The following GRM4 variants were observed in gnomAD, a reference collection of about 807,000 sequenced individuals.
The protein encoded by GRM4 is glutamate metabotropic receptor 4, also known as metabotropic glutamate receptor 4.
In GRM4, 28 loss-of-function variants were observed where a neutral mutation model predicts 81.7. The ratio of observed to expected loss-of-function variants is 0.34; its 90% confidence interval spans 0.25 to 0.47. The LOEUF (loss-of-function observed/expected upper bound fraction) is 0.47, where lower values mean the gene tolerates loss of function less well. GRM4 is among the 20% of genes least tolerant of loss of function. The pLI is 1.00. For synonymous variants in GRM4, 488 were observed against 528.8 expected, an observed-to-expected ratio of 0.92 and a Z score of 1.06; for missense variants, 948 against 1,290.0, an observed-to-expected ratio of 0.73 and a Z score of 4.06.
chr6:34,029,443 C>T (rs563858867), intron 9 of GRM4, among the ~76,000 whole-genome samples: 2 of 152,130 alleles, frequency 1.3e-5, no homozygotes, highest in African/African-American at 4.8e-5. Flanking sequence ...TCTGGCAGTA[C>T]CCCCCATGTA....
intron 2 of GRM4, among the ~76,000 whole-genome samples, chr6:34,131,031 G>A (rs1214167334): frequency 6.6e-6 from 1 of 152,196 alleles, no homozygotes; most frequent in Non-Finnish European, 1.5e-5. Context: ...CCAGGGCCAG[G>A]AGGGCTGAAG....
At chr6:34,094,420 T>G (rs189497452) in intron 2 of GRM4, among the ~76,000 whole-genome samples, 2 of 152,360 alleles carry the variant, frequency 1.3e-5, no homozygotes, top group Admixed American at 6.5e-5. Context: ...CCCAGTCCTC[T>G]CTGCCTTGGA....
Position 34,059,469 on chromosome 6 carries a change from C to T in GRM4, c.873-341G>A. ...CCCACGTCTGACTCAGGCCCCACAA[C>T]CACCTCTGCCCAGCCCCGGTCCCCT... is the stretch of plus-strand genomic sequence containing the variant. On this transcript the variant is annotated intron_variant, in intron 4 of 10. Coordinates refer to ENST00000538487, the MANE Select transcript of GRM4 (RefSeq NM_000841.4). This position sits in a 1 kb window ranked among gnomAD's most constrained non-coding sequence, Gnocchi z 5.7. 2.8e-6 allele frequency: 1 copy of T among 351,968 alleles called. No homozygotes were observed. 21.8% of individuals were successfully genotyped at this position (351,968 alleles called of 1,614,324 possible). A position where few individuals can be genotyped will look rare whatever the true frequency, so the allele number is the denominator to read the frequency against.
In GRM4 at chr6:34,061,942, T is replaced by A. The variant is rs373483140; in HGVS notation, c.823A>T (p.Thr275Ser). 6 of 1,613,806 alleles carry A rather than the reference T, an allele frequency of 3.7e-6. No homozygotes were observed. The South Asian group carries it at 6.6e-5, about 18-fold the overall frequency. Reference protein sequence around the residue: ...FDKIIRRLLETSNARAVIIFA... With the variant: ...FDKIIRRLLESSNARAVIIFA... ...ATGATGACTGCCCTGGCGTTCGAAG[T>A]CTCCAGGAGGCGGCGGATGATCTTG... Residue 275 changes from threonine to serine, a missense_variant, in exon 4 of 11, where the codon ACT becomes TCT. Thr to Ser is a moderately conservative substitution (Grantham distance 58). Transcript: ENST00000538487.
intron 3 of GRM4, among the ~76,000 whole-genome samples, chr6:34,072,448 C>T (rs982492567): frequency 1.4e-4 from 18 of 128,566 alleles, no homozygotes; most frequent in Non-Finnish European, 1.8e-4. Flanking sequence ...ACTCACCACA[C>T]GCCACACACA....
At chr6:34,023,745 G>A (rs1562003719) in intron 10 of GRM4, among the ~76,000 whole-genome samples, 2 of 152,190 alleles carry the variant, frequency 1.3e-5, no homozygotes, top group Non-Finnish European at 2.9e-5. Flanking sequence ...CACCCCTCCA[G>A]AGTGCAGACC....
intron 1 of GRM4, among the ~76,000 whole-genome samples, chr6:34,134,673 C>T (rs566829656): frequency 6.6e-6 from 1 of 152,074 alleles, no homozygotes; most frequent in African/African-American, 2.4e-5. Flanking sequence ...TCCTCCCTCC[C>T]TCCCTCCCTC....
At chr6:34,125,135 A>G (rs1430612888) in intron 2 of GRM4, among the ~76,000 whole-genome samples, 6 of 152,032 alleles carry the variant, frequency 3.9e-5, no homozygotes, top group Admixed American at 6.6e-5. Context: ...CACCACACCC[A>G]GCTAATTTTT....
chr6:34,067,014 G>A (rs1482302517), intron 3 of GRM4, among the ~76,000 whole-genome samples: 1 of 151,982 alleles, frequency 6.6e-6, no homozygotes, highest in Non-Finnish European at 1.5e-5. Context: ...ACCTGCCTGG[G>A]GCTGCCCCTG....
chr6:34,129,290 C>G (rs1770147111), intron 2 of GRM4, among the ~76,000 whole-genome samples: 1 of 152,346 alleles, frequency 6.6e-6, no homozygotes, highest in Non-Finnish European at 1.5e-5. Flanking sequence ...GCTGGGATTA[C>G]AGGTGTGAGC....
intron 10 of GRM4, among the ~76,000 whole-genome samples, chr6:34,026,550 A>C (rs1366982555): frequency 6.6e-6 from 1 of 151,056 alleles, no homozygotes; most frequent in East Asian, 2.0e-4. Context: ...CAGCCTGGAG[A>C]CCCCCAGGCC....
chr6:34,027,783 C>A (rs1764205778), intron 10 of GRM4, among the ~76,000 whole-genome samples: 1 of 152,336 alleles, frequency 6.6e-6, no homozygotes, highest in Admixed American at 6.5e-5. Flanking sequence ...GGTCCCCGCT[C>A]ACCCTCAGGG....
At chr6:34,038,010 G>A (rs969958792) in intron 8 of GRM4, among the ~76,000 whole-genome samples, 2 of 152,222 alleles carry the variant, frequency 1.3e-5, no homozygotes, top group Non-Finnish European at 2.9e-5. Flanking sequence ...AAGCCAAAGC[G>A]CACAGAGCAA....
At position 34,084,225 on chromosome 6, in the gene GRM4, C is replaced by A. The variant is rs1221271568; in HGVS notation, c.736+7658G>T. Among the ~76,000 whole-genome samples the A allele has an allele frequency of 2.6e-5, 4 of 152,326 alleles. No individual in the cohort carries two copies. In the East Asian group the frequency reaches 7.7e-4, roughly 29 times the overall value. On this transcript the variant is annotated intron_variant, in intron 3 of 10. Transcript: ENST00000538487. ...CCATCACAGGTGAGAGGAGGAAGCC[C>A]AGGGAAGAGGGCTGGTCATCTGCTC...
chr6:34,118,482 C>A (rs1020974021), intron 2 of GRM4, among the ~76,000 whole-genome samples: 4 of 152,158 alleles, frequency 2.6e-5, no homozygotes, highest in South Asian at 4.1e-4. Context: ...CTGAGGTGGC[C>A]CCCCACACAT....
chr6:34,109,645 G>A (rs762255639), intron 2 of GRM4, among the ~76,000 whole-genome samples: 14 of 152,096 alleles, frequency 9.2e-5, no homozygotes, highest in Non-Finnish European at 1.8e-4. Context: ...CCTGGAAGGA[G>A]GCCTTTAACC....
In GRM4 at chr6:34,117,077, T is replaced by C. The variant is rs528786558; in HGVS notation, c.519+15901A>G. Among the ~76,000 whole-genome samples the C allele has an allele frequency of 8.6e-4, 131 of 152,354 alleles. 1 individual carries two copies. Among genetic ancestry groups the C allele is most frequent in the African/African-American group, 2.8e-3 (118 of 41,578 alleles). ...GGCACTGAGAATGTTCTCTATCGGA[T>C]ACCGGCAAATGCATTTATAAAAGTT... On this transcript the variant is annotated intron_variant, in intron 2 of 10. Coordinates refer to ENST00000538487, the MANE Select transcript of GRM4 (RefSeq NM_000841.4).
chr6:34,101,778 T>C (rs1344539614), intron 2 of GRM4, among the ~76,000 whole-genome samples: 1 of 152,266 alleles, frequency 6.6e-6, no homozygotes, highest in African/African-American at 2.4e-5. Flanking sequence ...ATTAATTTCA[T>C]GCTTATTATA....
Position 34,069,075 on chromosome 6 carries a change from A to G in GRM4, c.737-7047T>C, listed in dbSNP as rs998893345. Reference sequence around the variant, plus strand: ...GGGGTGGGGAGTTACACACAGGGACAGGGGCAGGAGAGCAGGTCCCCCCGG... The same window carrying G: ...GGGGTGGGGAGTTACACACAGGGACGGGGGCAGGAGAGCAGGTCCCCCCGG... On this transcript the variant is annotated intron_variant, in intron 3 of 10. Coordinates refer to ENST00000538487, the MANE Select transcript of GRM4 (RefSeq NM_000841.4). This position sits in a 1 kb window ranked among gnomAD's most constrained non-coding sequence, Gnocchi z 6.4. Among the ~76,000 whole-genome samples the G allele has an allele frequency of 3.3e-5, 5 of 151,884 alleles. No homozygotes were observed. Among genetic ancestry groups the G allele is most frequent in the Non-Finnish European group, 7.4e-5 (5 of 67,984 alleles).
Sources: gnomAD v4.1 joint callset for allele counts (sites outside exome capture counted in the v4.1 genomes callset) on GRCh38, gnomAD v4.1.1 for gene constraint, Gnocchi (gnomAD v3.1) non-coding constraint, MANE v1.5 for transcripts, NCBI Gene and HGNC (gene_info 2026-07-23, HGNC 2026-07-21) for gene names.